Variants in BMERB1 observed in about 807,000 individuals in gnomAD.
The protein encoded by BMERB1 is bMERB domain containing 1.
BMERB1 carries 12 observed loss-of-function variants against 23.6 expected under a neutral mutation model. The ratio of observed to expected loss-of-function variants is 0.51; its 90% CI spans 0.33 to 0.82. The LOEUF (loss-of-function observed/expected upper bound fraction) is 0.82, where lower values mean the gene tolerates loss of function less well. Among genes scored for constraint, BMERB1 ranks in the 40% least tolerant of loss-of-function variants. BMERB1 has a pLI of 0.03. For missense variants in BMERB1, 247 were observed against 255.4 expected (o/e 0.97, Z 0.22); for synonymous variants, 122 against 96.6 (o/e 1.26, Z -1.54).
At chr16:15,473,224 A>C (rs191359783) in intron 1 of BMERB1, among the ~76,000 whole-genome samples, 3 of 152,106 alleles carry the variant, frequency 2.0e-5, no homozygotes, top group Admixed American at 2.0e-4. Context: ...AAATAAGATA[A>C]AACTAAAGTT....
At chr16:15,573,596 G>A (rs2030786023) in intron 3 of BMERB1, among the ~76,000 whole-genome samples, 1 of 152,124 alleles carries the variant, frequency 6.6e-6, no homozygotes, top group Non-Finnish European at 1.5e-5. Flanking sequence ...CAAGTGCACG[G>A]TCTGCAAAAT....
intron 1 of BMERB1, among the ~76,000 whole-genome samples, chr16:15,505,607 C>T (rs1335657044): frequency 1.3e-5 from 2 of 151,994 alleles, no homozygotes; most frequent in South Asian, 2.1e-4. Context: ...AAGTCAATGT[C>T]GGCCAAGCGC....
intron 1 of BMERB1, among the ~76,000 whole-genome samples, chr16:15,446,309 C>G (rs1172729131): frequency 6.6e-6 from 1 of 152,066 alleles, no homozygotes; most frequent in African/African-American, 2.4e-5. Context: ...GTGGGAGAAT[C>G]TCTTGAGCCC....
At chr16:15,584,028 C>G (rs1380651210) in intron 5 of BMERB1, 2 of 702,308 alleles carry the variant, frequency 2.8e-6, no homozygotes, top group South Asian at 1.5e-5. Flanking sequence ...CTGGAGAAGC[C>G]AGAAGCATAT....
chr16:15,520,224 G>A (rs973456642), intron 2 of BMERB1, among the ~76,000 whole-genome samples: 2 of 152,244 alleles, frequency 1.3e-5, no homozygotes, highest in Admixed American at 6.5e-5. Flanking sequence ...TGTCTGTCTC[G>A]TGGGGGCAGA....
chr16:15,531,061 T>G (rs569665534), intron 2 of BMERB1, among the ~76,000 whole-genome samples: 1 of 152,100 alleles, frequency 6.6e-6, no homozygotes, highest in South Asian at 2.1e-4. Flanking sequence ...CCCGCTGCCA[T>G]GCCCAGCTAA....
intron 3 of BMERB1, among the ~76,000 whole-genome samples, chr16:15,576,244 TCA>T: frequency 6.6e-6 from 1 of 152,204 alleles, no homozygotes; most frequent in African/African-American, 2.4e-5. Flanking sequence ...AGACTGGGTT[TCA>T]CTGTGTTAGC....
chr16:15,556,768 T>C (rs1598517955), intron 2 of BMERB1, among the ~76,000 whole-genome samples: 1 of 152,144 alleles, frequency 6.6e-6, no homozygotes, highest in African/African-American at 2.4e-5. Flanking sequence ...GTATTTTTAG[T>C]AGAGACAGGG....
intron 2 of BMERB1, among the ~76,000 whole-genome samples, chr16:15,535,902 C>T (rs2052020284): frequency 6.6e-6 from 1 of 152,054 alleles, no homozygotes; most frequent in South Asian, 2.1e-4. Context: ...GGAATAAGAG[C>T]CAGCAGGGGA....
chr16:15,480,209 T>A (rs2051308093), intron 1 of BMERB1, among the ~76,000 whole-genome samples: 1 of 150,884 alleles, frequency 6.6e-6, no homozygotes, highest in Admixed American at 6.6e-5. Flanking sequence ...ACCTCCTGGG[T>A]TCATGCCATT....
chr16:15,444,281 C>A (rs1000961257), intron 1 of BMERB1, among the ~76,000 whole-genome samples: 18 of 151,638 alleles, frequency 1.2e-4, no homozygotes, highest in Non-Finnish European at 2.4e-4. Context: ...CAAGTTCCCC[C>A]AAAAGATAGA....
chr16:15,583,960 A>G (rs1485295393), intron 5 of BMERB1: 2 of 696,782 alleles, frequency 2.9e-6, no homozygotes, highest in South Asian at 3.0e-5. Context: ...ATTTCATAGA[A>G]AGAATTGGGT....
At chr16:15,472,839 G>A (rs2051241439) in intron 1 of BMERB1, among the ~76,000 whole-genome samples, 1 of 148,588 alleles carries the variant, frequency 6.7e-6, no homozygotes, top group Non-Finnish European at 1.5e-5. Flanking sequence ...CAGGTTACTT[G>A]ACATATTTTA....
chr16:15,436,175 T>A (rs1350478670), intron 1 of BMERB1, among the ~76,000 whole-genome samples: 1 of 152,218 alleles, frequency 6.6e-6, no homozygotes, highest in Non-Finnish European at 1.5e-5. Flanking sequence ...ATTTATCCTT[T>A]TTTTTGTGTT....
At chr16:15,445,311 G>A (rs2050979851) in intron 1 of BMERB1, among the ~76,000 whole-genome samples, 1 of 151,094 alleles carries the variant, frequency 6.6e-6, no homozygotes, top group Non-Finnish European at 1.5e-5. Context: ...ACAGAGGTCA[G>A]TACATGATAC....
rs555680458 is a variant in BMERB1, at chr16:15,546,775, T to C, written c.231-21208T>C. ...GTTGCTGGGGTGATTACCCTTATCT[T>C]GTCTCCTGCTAAATCATGGAGGTTT... On this transcript the variant is annotated intron_variant, in intron 2 of 5. Coordinates refer to ENST00000300006, the MANE Select transcript of BMERB1 (RefSeq NM_033201.3). Among the ~76,000 whole-genome samples, 8 of 152,332 alleles carry C rather than the reference T, an allele frequency of 5.3e-5. No homozygotes were observed. In the South Asian group the frequency reaches 1.7e-3, roughly 32 times the overall value.
At chr16:15,481,393 G>C (rs2051319497) in intron 1 of BMERB1, among the ~76,000 whole-genome samples, 1 of 152,040 alleles carries the variant, frequency 6.6e-6, no homozygotes, top group African/African-American at 2.4e-5. Flanking sequence ...TGGGTGTGGT[G>C]GTGGGCACCT....
At chr16:15,450,519 G>A (rs1367319405) in intron 1 of BMERB1, among the ~76,000 whole-genome samples, 1 of 152,074 alleles carries the variant, frequency 6.6e-6, no homozygotes, top group East Asian at 1.9e-4. Context: ...TGTTCAGGCT[G>A]GAGTTCAGTG....
chr16:15,441,055 A>C (rs889727473), intron 1 of BMERB1, among the ~76,000 whole-genome samples: 6 of 152,192 alleles, frequency 3.9e-5, no homozygotes, highest in Non-Finnish European at 7.3e-5. Flanking sequence ...GCTGGAACCC[A>C]GTGAGTCAGG....
Sources: allele counts gnomAD v4.1 joint callset (sites outside exome capture counted in the v4.1 genomes callset), GRCh38; gene constraint gnomAD v4.1.1; transcripts MANE v1.5; gene names NCBI Gene and HGNC (gene_info 2026-07-23, HGNC 2026-07-21).